The following PRKCE variants were observed in gnomAD, a reference collection of about 807,000 sequenced individuals.
PRKCE encodes the protein protein kinase C epsilon.
A neutral mutation model predicts 85.4 loss-of-function variants in PRKCE; 16 were observed. The observed-to-expected ratio is 0.19, with a 90% CI of 0.13 to 0.28. The LOEUF (loss-of-function observed/expected upper bound fraction) is 0.28, where lower values mean the gene tolerates loss of function less well. PRKCE is among the 10% of genes least tolerant of loss of function. PRKCE has a pLI of 1.00. For missense variants in PRKCE, 573 were observed against 975.2 expected, an observed-to-expected ratio of 0.59 and a Z score of 5.49; for synonymous variants, 388 against 371.5, an observed-to-expected ratio of 1.04 and a Z score of -0.51.
At position 46,007,421 on chromosome 2, in the gene PRKCE, AG is replaced by A. The variant is rs777310759; in HGVS notation, c.1064-39del. 2.5e-6 allele frequency: 4 copies of A among 1,584,362 alleles called. No homozygotes were observed. The African/African-American group carries it at 5.4e-5, about 21-fold the overall frequency. On this transcript the variant is annotated intron_variant, in intron 8 of 14. Coordinates refer to ENST00000306156, the MANE Select transcript of PRKCE (RefSeq NM_005400.3). Reference sequence around the variant, plus strand: ...TGAGTCCTAATGTAACAGGCTTAAGAGGTATGCACTAATGCAATTTCTTGTT... The same window carrying A: ...TGAGTCCTAATGTAACAGGCTTAAGAGTATGCACTAATGCAATTTCTTGTT...
At chr2:45,978,907 GT>G in intron 3 of PRKCE, 68 bp from the exon 4 acceptor site, 4 of 1,486,600 alleles carry the variant, frequency 2.7e-6, no homozygotes, top group Non-Finnish European at 3.7e-6. Flanking sequence ...AAATTGGGTG[GT>G]TTTTCTGTTT....
At chr2:46,094,379 A>C (rs878976573) in intron 11 of PRKCE, among the ~76,000 whole-genome samples, 5 of 152,170 alleles carry the variant, frequency 3.3e-5, no homozygotes, top group Admixed American at 3.3e-4. Flanking sequence ...TTTATATCTA[A>C]AATCATCTTT....
chr2:45,849,744 C>A (rs1692092988), intron 2 of PRKCE, among the ~76,000 whole-genome samples: 1 of 152,186 alleles, frequency 6.6e-6, no homozygotes, highest in African/African-American at 2.4e-5. Context: ...TCCAGATGTT[C>A]AACAACATTG....
chr2:45,983,339 G>T (rs570436128), intron 5 of PRKCE, among the ~76,000 whole-genome samples: 1 of 152,270 alleles, frequency 6.6e-6, no homozygotes, highest in South Asian at 2.1e-4. Context: ...GCCCAGCTTT[G>T]CCGCATGCCA....
chr2:46,150,694 G>A (rs1277148924), intron 12 of PRKCE, among the ~76,000 whole-genome samples: 2 of 152,164 alleles, frequency 1.3e-5, no homozygotes, highest in African/African-American at 2.4e-5. Context: ...CTCTCAGTAT[G>A]CATCGTGCTC....
intron 14 of PRKCE, among the ~76,000 whole-genome samples, chr2:46,183,867 C>A (rs144614519): frequency 6.6e-6 from 1 of 152,326 alleles, no homozygotes; most frequent in South Asian, 2.1e-4. Context: ...CTCTAAGCCC[C>A]TAAAGGCAGA....
At position 46,159,854 on chromosome 2, in the gene PRKCE, A is replaced by G; in HGVS notation, c.2067+102A>G. On this transcript the variant is annotated intron_variant, in intron 14 of 14. Transcript: ENST00000306156. This position sits in a 1 kb window ranked among gnomAD's most constrained non-coding sequence, Gnocchi z 4.1. ...AAGAGTTGGTCAGGGGATGCGTATTACAGTAAAAATGACAAAGACCAGAGG... is the reference window on the plus strand; with the variant it reads ...AAGAGTTGGTCAGGGGATGCGTATTGCAGTAAAAATGACAAAGACCAGAGG... 1.4e-6 allele frequency: 2 copies of G among 1,460,190 alleles called. No individual in the cohort carries two copies. Among genetic ancestry groups the G allele is most frequent in the Non-Finnish European group, 1.8e-6 (2 of 1,081,236 alleles). The allele number at this position is 1,460,190 out of a possible 1,614,324, so 90.5% of individuals were successfully genotyped here.
At chr2:45,793,006 C>G (rs1351291168) in intron 1 of PRKCE, among the ~76,000 whole-genome samples, 5 of 152,174 alleles carry the variant, frequency 3.3e-5, no homozygotes, top group African/African-American at 1.2e-4. Context: ...ACCATGTTGG[C>G]CAGGATGGTC....
intron 11 of PRKCE, among the ~76,000 whole-genome samples, chr2:46,101,148 G>A (rs1348132958): frequency 6.6e-6 from 1 of 152,176 alleles, no homozygotes; most frequent in African/African-American, 2.4e-5. Context: ...GATTACAGGT[G>A]TGAGCCACCA....
At chr2:45,870,610 A>C (rs1352732519) in intron 2 of PRKCE, among the ~76,000 whole-genome samples, 2 of 152,184 alleles carry the variant, frequency 1.3e-5, no homozygotes, top group African/African-American at 4.8e-5. Context: ...TCATGGAATC[A>C]GTTTGGAAAG....
chr2:46,018,957 C>G (rs1706405358), intron 10 of PRKCE, among the ~76,000 whole-genome samples: 1 of 152,240 alleles, frequency 6.6e-6, no homozygotes, highest in Non-Finnish European at 1.5e-5. Context: ...ATGCTCTGCC[C>G]AGTGCTGGCC....
chr2:45,942,755 T>C (rs1208561016), intron 2 of PRKCE, among the ~76,000 whole-genome samples: 1 of 152,230 alleles, frequency 6.6e-6, no homozygotes, highest in East Asian at 1.9e-4. Flanking sequence ...TCAGTTTTTT[T>C]CAACAATAAA....
chr2:45,837,064 A>G (rs1301284373), intron 1 of PRKCE, among the ~76,000 whole-genome samples: 2 of 152,174 alleles, frequency 1.3e-5, no homozygotes, highest in African/African-American at 4.8e-5. Context: ...CTTGAAGCCA[A>G]TAACCCCCAA....
chr2:45,860,191 C>G (rs1422650938), intron 2 of PRKCE, among the ~76,000 whole-genome samples: 1 of 152,190 alleles, frequency 6.6e-6, no homozygotes. Context: ...GCATACAGTA[C>G]CTGCTCAGTA....
chr2:45,921,981 A>C (rs1698284127), intron 2 of PRKCE, among the ~76,000 whole-genome samples: 1 of 152,188 alleles, frequency 6.6e-6, no homozygotes, highest in Non-Finnish European at 1.5e-5. Flanking sequence ...AGGGAAAATG[A>C]ACTAAGGCTC....
At chr2:45,812,798 T>G (rs960214285) in intron 1 of PRKCE, among the ~76,000 whole-genome samples, 5 of 152,194 alleles carry the variant, frequency 3.3e-5, no homozygotes, top group Admixed American at 6.5e-5. Flanking sequence ...AGAAGTAGAA[T>G]TGATAGCATT....
intron 2 of PRKCE, among the ~76,000 whole-genome samples, chr2:45,868,355 G>C (rs1267313912): frequency 6.9e-6 from 1 of 144,540 alleles, no homozygotes; most frequent in Non-Finnish European, 1.5e-5. Context: ...TTTTAGGGCA[G>C]TTAGTCCATC....
chr2:45,945,757 C>T (rs2711295), intron 2 of PRKCE, among the ~76,000 whole-genome samples: 15,827 of 152,256 alleles, frequency 0.1, 1,203 homozygotes, highest in Admixed American at 0.25. Context: ...GGTGGGGGGC[C>T]AGATTAGAAC....
intron 11 of PRKCE, among the ~76,000 whole-genome samples, chr2:46,105,691 A>G (rs1343845073): frequency 6.6e-6 from 1 of 152,200 alleles, no homozygotes; most frequent in Admixed American, 6.5e-5. Flanking sequence ...GTAATACACA[A>G]TTTGCTGGAG....
Sources: gnomAD v4.1 joint callset for allele counts (sites outside exome capture counted in the v4.1 genomes callset) on GRCh38, gnomAD v4.1.1 for gene constraint, Gnocchi (gnomAD v3.1) non-coding constraint, MANE v1.5 for transcripts, NCBI Gene and HGNC (gene_info 2026-07-23, HGNC 2026-07-21) for gene names.